KAZN: variants seen among roughly 807,000 people sequenced by gnomAD.
KAZN encodes the protein kazrin, periplakin interacting protein, also known as kazrin.
KAZN carries 40 observed loss-of-function variants against 87.4 expected under a neutral mutation model. The observed-to-expected ratio is 0.46, with a 90% CI of 0.36 to 0.60. KAZN has a LOEUF of 0.60. Ranked by LOEUF, KAZN falls within the 20% of genes least tolerant of loss-of-function variation. The pLI is 0.00. For missense variants in KAZN, 898 were observed against 1,073.9 expected, an observed-to-expected ratio of 0.84 and a Z score of 2.29; for synonymous variants, 466 against 458.3, an observed-to-expected ratio of 1.02 and a Z score of -0.22.
At position 14,912,697 on chromosome 1, in the gene KAZN, G is replaced by C. The variant is rs115072539; in HGVS notation, c.227-47987G>C. Among the ~76,000 whole-genome samples the C allele has an allele frequency of 9.6e-3, 1,468 of 152,210 alleles. 19 individuals carry two copies. The highest frequency in any genetic ancestry group is 0.033 in the African/African-American group (1,350 of 41,530). On this transcript the variant is annotated intron_variant, in intron 1 of 14. Transcript: ENST00000376030. ...TGCCCAGCCTAATTTTTTCAAAAAG[G>C]CCAGGTGGAAACTAAAAATCTGAAC...
chr1:14,375,297 GC>G (rs1475354034), intron 2 of KAZN, among the ~76,000 whole-genome samples: 1 of 152,050 alleles, frequency 6.6e-6, no homozygotes, highest in African/African-American at 2.4e-5. Context: ...CACTAGGAAG[GC>G]CCCAGGTATG....
intron 1 of KAZN, among the ~76,000 whole-genome samples, chr1:14,871,342 A>T (rs1363455183): frequency 6.6e-6 from 1 of 151,738 alleles, no homozygotes; most frequent in African/African-American, 2.4e-5. Flanking sequence ...GTCAAGAGGG[A>T]GGTTTGCTTC....
chr1:14,827,719 G>A (rs1183473977), intron 1 of KAZN, among the ~76,000 whole-genome samples: 3 of 152,182 alleles, frequency 2.0e-5, no homozygotes, highest in African/African-American at 7.2e-5. Flanking sequence ...GGGCCTTTCT[G>A]CCAGCAAGCT....
chr1:13,917,178 A>G (rs1026086824), intron 1 of KAZN, among the ~76,000 whole-genome samples: 10 of 152,190 alleles, frequency 6.6e-5, no homozygotes, highest in African/African-American at 2.2e-4. Context: ...ACGTTAGAGG[A>G]AAGAAGCCAT....
intron 1 of KAZN, among the ~76,000 whole-genome samples, chr1:14,001,265 A>G (rs953937901): frequency 3.3e-5 from 5 of 152,204 alleles, no homozygotes; most frequent in African/African-American, 1.2e-4. Flanking sequence ...CATTACAAAG[A>G]CAATAAAATA....
chr1:14,351,876 T>C (rs1658577359), intron 2 of KAZN, among the ~76,000 whole-genome samples: 1 of 152,234 alleles, frequency 6.6e-6, no homozygotes, highest in African/African-American at 2.4e-5. Context: ...GCTCATTTAT[T>C]TTAAGGTTTC....
intron 2 of KAZN, among the ~76,000 whole-genome samples, chr1:14,411,907 T>C (rs1456843553): frequency 6.6e-6 from 1 of 152,216 alleles, no homozygotes; most frequent in African/African-American, 2.4e-5. Flanking sequence ...TTTTAAATTG[T>C]ATAAAGTAAA....
In KAZN at chr1:14,665,947, A is replaced by AAT. The variant is rs1171573950; in HGVS notation, c.226+66725_226+66726insTA. On this transcript the variant is annotated intron_variant, in intron 1 of 14. Coordinates refer to ENST00000376030, the MANE Select transcript of KAZN (RefSeq NM_201628.3). The stretch of plus-strand genomic sequence containing the variant: ...AAGCTTTGCTCAAAAAAAAAAAAAA[A>AAT]AAAAAATAACATACAGAAAGGTCAG... 2.0e-5 allele frequency among the ~76,000 whole-genome samples: 3 copies of AAT among 151,792 alleles called. No homozygotes were observed. In the East Asian group the frequency reaches 5.8e-4, roughly 29 times the overall value.
intron 2 of KAZN, among the ~76,000 whole-genome samples, chr1:14,252,773 A>C (rs944090498): frequency 2.0e-5 from 3 of 152,194 alleles, no homozygotes; most frequent in African/African-American, 7.2e-5. Context: ...ATAAATCCCC[A>C]CGTCTCAAGG....
In KAZN at chr1:14,538,996, C is replaced by T. The variant is rs72862075; in HGVS notation, c.250-59987C>T. Among the ~76,000 whole-genome samples, 147 of 152,282 alleles carry T rather than the reference C, an allele frequency of 9.7e-4. 1 individual carries two copies. Among genetic ancestry groups the T allele is most frequent in the African/African-American group, 3.3e-3 (138 of 41,564 alleles). On this transcript the variant is annotated intron_variant, in intron 2 of 16. Coordinates refer to the KAZN transcript ENST00000636203. ...GGAGGAGGTCCTCGGCACAGTTATT[C>T]ACTAAAACTTAGAGCGTTATTTTAC...
intron 1 of KAZN, chr1:14,929,968 A>G: frequency 1.0e-6 from 1 of 985,476 alleles, no homozygotes. Flanking sequence ...CAGAGCCCTC[A>G]TCAGATGGCA....
intron 2 of KAZN, among the ~76,000 whole-genome samples, chr1:14,571,959 A>G (rs1674896325): frequency 6.6e-6 from 1 of 152,150 alleles, no homozygotes; most frequent in Non-Finnish European, 1.5e-5. Flanking sequence ...AGAAACTGGA[A>G]GGATGTGGTT....
intron 2 of KAZN, among the ~76,000 whole-genome samples, chr1:14,367,482 T>C (rs1017351185): frequency 1.2e-4 from 18 of 151,978 alleles, no homozygotes; most frequent in Admixed American, 6.6e-5. Context: ...GGCTGGGCCA[T>C]GGGTGGTTTT....
intron 1 of KAZN, among the ~76,000 whole-genome samples, chr1:13,948,614 T>C (rs750169577): frequency 8.5e-5 from 13 of 152,282 alleles, no homozygotes; most frequent in Non-Finnish European, 1.8e-4. Flanking sequence ...TTCTGCAGGA[T>C]GGAACCTTCC....
chr1:14,931,742 G>C (rs1005399432), intron 1 of KAZN, among the ~76,000 whole-genome samples: 6 of 152,152 alleles, frequency 3.9e-5, no homozygotes, highest in African/African-American at 1.4e-4. Context: ...AAGAAACCCA[G>C]GAGGGCACAT....
At position 14,365,704 on chromosome 1, in the gene KAZN, A is replaced by G. The variant is rs1267459598; in HGVS notation, c.249+185112A>G. On this transcript the variant is annotated intron_variant, in intron 2 of 16. Transcript: ENST00000636203. ...GCACCTTTCCCCAGTCATAACAATC[A>G]CAAACGTCTTCAGACATTACCAAAT... 2.6e-5 allele frequency among the ~76,000 whole-genome samples: 4 copies of G among 152,134 alleles called. No homozygotes were observed. The East Asian group carries it at 7.7e-4, about 29-fold the overall frequency.
intron 2 of KAZN, among the ~76,000 whole-genome samples, chr1:14,420,063 C>T (rs1328939882): frequency 6.6e-6 from 1 of 152,140 alleles, no homozygotes; most frequent in East Asian, 1.9e-4. Context: ...GCTGATTGGT[C>T]TGTTTTACAG....
chr1:15,082,557 G>A (rs1640056447), intron 8 of KAZN, among the ~76,000 whole-genome samples: 1 of 152,232 alleles, frequency 6.6e-6, no homozygotes, highest in Non-Finnish European at 1.5e-5. Flanking sequence ...TGCCAAGGGT[G>A]TCTGCCAATG....
chr1:14,171,130 C>T (rs1645946378), intron 1 of KAZN, among the ~76,000 whole-genome samples: 1 of 152,204 alleles, frequency 6.6e-6, no homozygotes, highest in Non-Finnish European at 1.5e-5. Context: ...TTCATTCCTA[C>T]TGTATAGCTG....
Sources: allele counts gnomAD v4.1 joint callset (sites outside exome capture counted in the v4.1 genomes callset), GRCh38; gene constraint gnomAD v4.1.1; transcripts MANE v1.5; gene names NCBI Gene and HGNC (gene_info 2026-07-23, HGNC 2026-07-21).